RNF38: variants seen among roughly 807,000 people sequenced by gnomAD.
RNF38 encodes E3 ubiquitin-protein ligase RNF38.
Under a neutral mutation model 67.2 loss-of-function variants are expected in RNF38, and 15 were observed. The observed-to-expected ratio is 0.22, with a 90% CI of 0.15 to 0.34. The LOEUF is 0.34. RNF38 is among the 10% of genes least tolerant of loss of function. The probability of loss-of-function intolerance (pLI) is 1.00; values close to 1 mark genes in which losing one functional copy is unlikely to be tolerated. For synonymous variants in RNF38, 220 were observed against 218.8 expected, an observed-to-expected ratio of 1.01 and a Z score of -0.05; for missense variants, 524 against 639.9, an observed-to-expected ratio of 0.82 and a Z score of 1.95.
At chr9:36,472,073 T>C (rs982115850) in intron 1 of RNF38, among the ~76,000 whole-genome samples, 2 of 152,208 alleles carry the variant, frequency 1.3e-5, no homozygotes, top group East Asian at 3.8e-4. Context: ...ATATATGCAG[T>C]TTTAATAAAA....
chr9:36,428,815 A>G (rs1419781216), intron 1 of RNF38, among the ~76,000 whole-genome samples: 1 of 152,104 alleles, frequency 6.6e-6, no homozygotes, highest in East Asian at 1.9e-4. Flanking sequence ...CTGAGTATCT[A>G]CTCAGTATGT....
intron 9 of RNF38, among the ~76,000 whole-genome samples, chr9:36,349,568 T>C (rs757788652): frequency 6.6e-6 from 1 of 152,222 alleles, no homozygotes; most frequent in Non-Finnish European, 1.5e-5. Context: ...TCCCAACCTG[T>C]AGTCTGCCTT....
chr9:36,414,340 C>T (rs574952002), intron 2 of RNF38, among the ~76,000 whole-genome samples: 2 of 152,176 alleles, frequency 1.3e-5, no homozygotes, highest in East Asian at 1.9e-4. Flanking sequence ...TTATAGGCCC[C>T]GTGAGATTTA....
intron 1 of RNF38, among the ~76,000 whole-genome samples, chr9:36,459,629 G>A (rs1220754778): frequency 6.6e-6 from 1 of 152,064 alleles, no homozygotes; most frequent in Non-Finnish European, 1.5e-5. Context: ...ATGTGTATGT[G>A]TGTACATACT....
intron 1 of RNF38, among the ~76,000 whole-genome samples, chr9:36,466,284 G>A (rs1027644002): frequency 6.6e-6 from 1 of 152,170 alleles, no homozygotes; most frequent in Non-Finnish European, 1.5e-5. Context: ...AATGAGTGGA[G>A]GATTTCTTTT....
rs1356007828 is a variant in RNF38 at position 36,363,283 on chromosome 9, T to G, written c.571-5341A>C. On this transcript the variant is annotated intron_variant, in intron 4 of 11. Transcript: ENST00000259605. ...CCAAAAAACAGACATAGAAAGCCACTATAAACAATCCTGTAGAAATTTTTT... is the reference window on the plus strand; with the variant it reads ...CCAAAAAACAGACATAGAAAGCCACGATAAACAATCCTGTAGAAATTTTTT... 2.0e-5 allele frequency among the ~76,000 whole-genome samples: 2 copies of G among 100,448 alleles called. 1 individual carries two copies. The highest frequency in any genetic ancestry group is 6.0e-5 in the African/African-American group (2 of 33,554). 65.9% of individuals were successfully genotyped at this position (100,448 alleles called of 152,430 possible).
chr9:36,401,174 C>G, upstream of RNF38: 1 of 984,520 alleles, frequency 1.0e-6, no homozygotes, highest in South Asian at 4.7e-5. Context: ...GCCGAACCCC[C>G]TTTGTTTCCA....
At chr9:36,427,678 TCTATCTATCTATCTATCTATCTATCTAC>T (rs1314021255) in intron 1 of RNF38, among the ~76,000 whole-genome samples, 1 of 143,884 alleles carries the variant, frequency 7.0e-6, no homozygotes. Context: ...TATCTATCTA[TCTATCTATCTATCTATCTATCTATCTAC>T]CTACCTATCT....
At chr9:36,478,421 A>AT (rs1291068220) in intron 1 of RNF38, among the ~76,000 whole-genome samples, 6 of 150,400 alleles carry the variant, frequency 4.0e-5, no homozygotes, top group African/African-American at 1.5e-4. Context: ...AAAAAAAAAA[A>AT]AAGAGAGCGT....
Position 36,337,022 on chromosome 9 carries a change from A to C in RNF38, c.*2730T>G, listed in dbSNP as rs1299728478. 2 of 152,190 alleles carry C rather than the reference A, an allele frequency of 1.3e-5. No homozygotes were observed. Among genetic ancestry groups the C allele is most frequent in the Admixed American group, 1.3e-4 (2 of 15,276 alleles). 9.4% of individuals were successfully genotyped at this position (152,190 alleles called of 1,614,324 possible). A position where few individuals can be genotyped will look rare whatever the true frequency, so the allele number is the denominator to read the frequency against. On this transcript the variant is annotated 3_prime_UTR_variant, in exon 12 of 12. Coordinates refer to ENST00000259605, the MANE Select transcript of RNF38 (RefSeq NM_022781.5). ...CAAAGATGACAATTCATGCCAAAAAACAAACAAGAACCCACAAAAAACCCA... is the reference window on the plus strand; with the variant it reads ...CAAAGATGACAATTCATGCCAAAAACCAAACAAGAACCCACAAAAAACCCA...
chr9:36,458,250 T>G (rs1026201085), intron 1 of RNF38, among the ~76,000 whole-genome samples: 1 of 152,146 alleles, frequency 6.6e-6, no homozygotes, highest in African/African-American at 2.4e-5. Flanking sequence ...GTTTAAAGGA[T>G]TGTAAGCACA....
chr9:36,417,548 G>C (rs1429887284), intron 2 of RNF38, among the ~76,000 whole-genome samples: 1 of 152,078 alleles, frequency 6.6e-6, no homozygotes, highest in Non-Finnish European at 1.5e-5. Flanking sequence ...ATCTCACTCT[G>C]TCACCCAGGC....
chr9:36,425,512 G>T (rs1564057816), intron 1 of RNF38, among the ~76,000 whole-genome samples: 1 of 152,124 alleles, frequency 6.6e-6, no homozygotes, highest in Non-Finnish European at 1.5e-5. Flanking sequence ...TGGCCAACAT[G>T]GTGAAACCCT....
chr9:36,351,551 C>A (rs1428715971), intron 8 of RNF38, among the ~76,000 whole-genome samples: 2 of 151,956 alleles, frequency 1.3e-5, no homozygotes, highest in Non-Finnish European at 2.9e-5. Flanking sequence ...TAAGGAAATG[C>A]AAAAGACCTT....
chr9:36,364,856 ATGC>A (rs544402343), intron 4 of RNF38, among the ~76,000 whole-genome samples: 1 of 152,218 alleles, frequency 6.6e-6, no homozygotes, highest in Non-Finnish European at 1.5e-5. Context: ...TATCTAGGTG[ATGC>A]TGCTGCTGCT....
At chr9:36,397,325 G>A (rs1837618881) in intron 1 of RNF38, among the ~76,000 whole-genome samples, 1 of 151,890 alleles carries the variant, frequency 6.6e-6, no homozygotes, top group Admixed American at 6.6e-5. Flanking sequence ...TATTATTCAG[G>A]CTGGTTTCAA....
intron 1 of RNF38, among the ~76,000 whole-genome samples, chr9:36,431,698 T>C (rs1050810022): frequency 1.3e-5 from 2 of 152,216 alleles, no homozygotes; most frequent in Non-Finnish European, 2.9e-5. Context: ...AGGGTTCCTA[T>C]GGAGATTCCC....
chr9:36,487,641 G>A (rs1424877464), upstream of RNF38: 15 of 941,096 alleles, frequency 1.6e-5, no homozygotes, highest in Non-Finnish European at 1.8e-5. Flanking sequence ...CGGCAGCAGC[G>A]GTGGCGGCGA....
intron 11 of RNF38, among the ~76,000 whole-genome samples, chr9:36,341,219 A>C (rs540133773): frequency 1.3e-5 from 2 of 152,200 alleles, no homozygotes; most frequent in East Asian, 3.9e-4. Context: ...AGCCACACGG[A>C]ACTTGTGGTT....
Sources: allele counts gnomAD v4.1 joint callset (sites outside exome capture counted in the v4.1 genomes callset), GRCh38; gene constraint gnomAD v4.1.1; transcripts MANE v1.5; gene names NCBI Gene and HGNC (gene_info 2026-07-23, HGNC 2026-07-21).